Variants in FAF1 observed in about 807,000 individuals in gnomAD.
The protein encoded by FAF1 is FAS-associated factor 1.
In FAF1, 25 loss-of-function variants were observed where a neutral mutation model predicts 92.5. The ratio of observed to expected loss-of-function variants is 0.27; its 90% CI spans 0.20 to 0.38. FAF1 has a LOEUF of 0.38. Ranked by LOEUF, FAF1 falls within the 10% of genes least tolerant of loss-of-function variation. FAF1 has a pLI of 1.00. For synonymous variants in FAF1, 234 were observed against 273.2 expected (o/e 0.86, Z 1.42); for missense variants, 636 against 793.3 (o/e 0.80, Z 2.38).
intron 15 of FAF1, among the ~76,000 whole-genome samples, chr1:50,530,238 GGTGTGTGTGTGTGTGTGT>G (rs72220248): frequency 1.8e-4 from 25 of 141,676 alleles, no homozygotes; most frequent in Admixed American, 3.6e-4. Flanking sequence ...TTTAAGAAGT[GGTGTGTGTGTGTGTGTGT>G]GTGTGTGTGT....
intron 7 of FAF1, among the ~76,000 whole-genome samples, chr1:50,685,461 G>C (rs540097049): frequency 2.1e-4 from 32 of 152,132 alleles, no homozygotes; most frequent in Non-Finnish European, 2.2e-4. Flanking sequence ...AAAGATTTAG[G>C]AAATGGAATC....
intron 7 of FAF1, among the ~76,000 whole-genome samples, chr1:50,673,545 G>T (rs1027466742): frequency 3.3e-5 from 5 of 152,188 alleles, no homozygotes; most frequent in African/African-American, 9.6e-5. Context: ...AAGGGAGAGT[G>T]AGGGCGGAAG....
intron 18 of FAF1, among the ~76,000 whole-genome samples, chr1:50,467,696 G>C (rs1027235674): frequency 3.9e-5 from 6 of 152,144 alleles, no homozygotes; most frequent in African/African-American, 1.4e-4. Context: ...TAAGGATTAA[G>C]AACACAGGCT....
At chr1:50,639,582 C>G (rs571082358) in intron 8 of FAF1, among the ~76,000 whole-genome samples, 240 of 152,232 alleles carry the variant, frequency 1.6e-3, no homozygotes, top group Non-Finnish European at 2.8e-3. Context: ...TGATGCATAA[C>G]TCTTTTTGTT....
chr1:50,905,312 G>C (rs1644827674), intron 1 of FAF1, among the ~76,000 whole-genome samples: 2 of 152,142 alleles, frequency 1.3e-5, no homozygotes, highest in South Asian at 4.1e-4. Flanking sequence ...TTGGTTCCAA[G>C]TCTTTGCTAT....
At chr1:50,834,135 C>CCCGCTT (rs1488662087) in intron 2 of FAF1, among the ~76,000 whole-genome samples, 2 of 152,168 alleles carry the variant, frequency 1.3e-5, no homozygotes, top group African/African-American at 4.8e-5. Context: ...GTGTAGCACC[C>CCCGCTT]CCGCTTCGCC....
chr1:50,555,044 C>T (rs1352753071), intron 13 of FAF1, among the ~76,000 whole-genome samples: 1 of 151,900 alleles, frequency 6.6e-6, no homozygotes, highest in Non-Finnish European at 1.5e-5. Flanking sequence ...GGTGAAACCC[C>T]TGTCTCTACA....
At chr1:50,650,771 T>G (rs1044626749) in intron 8 of FAF1, among the ~76,000 whole-genome samples, 6 of 152,230 alleles carry the variant, frequency 3.9e-5, no homozygotes, top group African/African-American at 1.4e-4. Context: ...GTTAAAATTA[T>G]TTCTCCTATC....
chr1:50,443,974 G>GT (rs1404546704), intron 18 of FAF1, among the ~76,000 whole-genome samples: 2 of 152,194 alleles, frequency 1.3e-5, no homozygotes, highest in Non-Finnish European at 2.9e-5. Context: ...CAGTGAGGCT[G>GT]TGTCACCATT....
chr1:50,892,713 A>G (rs1183932763), intron 1 of FAF1, among the ~76,000 whole-genome samples: 2 of 152,138 alleles, frequency 1.3e-5, no homozygotes, highest in African/African-American at 2.4e-5. Flanking sequence ...TTTTAATTAT[A>G]TACTAATATC....
chr1:50,788,269 CCCTCTCCAT>C, intron 3 of FAF1, 64 bp from the exon 4 acceptor site: 1 of 1,371,972 alleles, frequency 7.3e-7, no homozygotes, highest in Non-Finnish European at 1.0e-6. Flanking sequence ...CTACTAGGGA[CCCTCTCCAT>C]ACTTGGCTTG....
intron 6 of FAF1, among the ~76,000 whole-genome samples, chr1:50,712,854 T>A (rs1156687139): frequency 6.6e-6 from 1 of 151,912 alleles, no homozygotes; most frequent in African/African-American, 2.4e-5. Context: ...TTAAGCCACC[T>A]TGGAGCAGTC....
chr1:50,741,818 G>C lies in FAF1; in HGVS notation c.460-2864C>G, dbSNP rs575108344. Among the ~76,000 whole-genome samples the C allele has an allele frequency of 3.3e-5, 5 of 152,334 alleles. 1 individual carries two copies. The highest frequency in any genetic ancestry group is 1.2e-4 in the African/African-American group (5 of 41,570). ...TGGGGGAAGATTGGTAGAGATATGG[G>C]ATAGGAGGGAAAATCAAGAGTTCCA... On this transcript the variant is annotated intron_variant, in intron 5 of 18. Coordinates refer to ENST00000396153, the MANE Select transcript of FAF1 (RefSeq NM_007051.3).
chr1:50,897,086 T>C (rs1012141224), intron 1 of FAF1, among the ~76,000 whole-genome samples: 2 of 152,130 alleles, frequency 1.3e-5, no homozygotes, highest in Non-Finnish European at 2.9e-5. Flanking sequence ...ATGAAATACA[T>C]GGGTATAAAT....
intron 3 of FAF1, among the ~76,000 whole-genome samples, chr1:50,791,932 T>C (rs1661576263): frequency 6.6e-6 from 1 of 152,224 alleles, no homozygotes; most frequent in African/African-American, 2.4e-5. Flanking sequence ...GGCTTGATTA[T>C]GTGTCCTTGA....
chr1:50,501,834 C>A (rs1245247570), intron 15 of FAF1, among the ~76,000 whole-genome samples: 3 of 152,150 alleles, frequency 2.0e-5, no homozygotes, highest in Non-Finnish European at 4.4e-5. Flanking sequence ...ATGATCCAGT[C>A]ATTCCAGTCT....
chr1:50,840,196 TAAGGA>T (rs1644244508), intron 2 of FAF1, among the ~76,000 whole-genome samples: 1 of 152,022 alleles, frequency 6.6e-6, no homozygotes, highest in African/African-American at 2.4e-5. Flanking sequence ...TGGCCTTGGT[TAAGGA>T]AAGGATTTCC....
chr1:50,837,048 C>CCCAGGTT (rs1239394136), intron 2 of FAF1, among the ~76,000 whole-genome samples: 1 of 139,544 alleles, frequency 7.2e-6, no homozygotes, highest in Non-Finnish European at 1.5e-5. Flanking sequence ...AGCTCTGCAT[C>CCCAGGTT]CCAGGTTCAC....
chr1:50,670,519 T>C (rs1423966125), intron 7 of FAF1, among the ~76,000 whole-genome samples: 1 of 152,212 alleles, frequency 6.6e-6, no homozygotes, highest in Non-Finnish European at 1.5e-5. Context: ...TACTTAAACA[T>C]GCTTCACTTC....
Sources: gnomAD v4.1 joint callset for allele counts (sites outside exome capture counted in the v4.1 genomes callset) on GRCh38, gnomAD v4.1.1 for gene constraint, MANE v1.5 for transcripts, NCBI Gene and HGNC (gene_info 2026-07-23, HGNC 2026-07-21) for gene names.